Variants in ACE observed in about 807,000 individuals in gnomAD.
ACE encodes the protein angiotensin I converting enzyme.
In ACE, 122 loss-of-function variants were observed where a neutral mutation model predicts 162.3. The observed-to-expected ratio is 0.75, with a 90% CI of 0.65 to 0.87. The LOEUF is 0.87. ACE is among the 40% of genes least tolerant of loss of function. The pLI is 0.00. For synonymous variants in ACE, 796 were observed against 720.6 expected (o/e 1.10, Z -1.68); for missense variants, 1,799 against 1,735.1 (o/e 1.04, Z -0.65).
At chr17:63,493,711 G>A in intron 20 of ACE, 52 bp downstream of exon 20, 1 of 1,595,416 alleles carries the variant, frequency 6.3e-7, no homozygotes, top group Non-Finnish European at 8.6e-7. Flanking sequence ...AAAGGGTGGT[G>A]AGCTTGGGAG....
chr17:63,495,716 A>G (rs2030685098), intron 22 of ACE, among the ~76,000 whole-genome samples: 1 of 152,172 alleles, frequency 6.6e-6, no homozygotes, highest in Non-Finnish European at 1.5e-5. Flanking sequence ...AATGCAGACA[A>G]TTCTCCAAAC....
intron 2 of ACE, 57 bp downstream of exon 2, chr17:63,478,155 G>C: frequency 6.5e-7 from 1 of 1,544,434 alleles, no homozygotes; most frequent in Admixed American, 2.0e-5. Flanking sequence ...CCATCGTGGG[G>C]GTCGGGGGAG....
rs551040956 is a variant in ACE at position 63,479,735 on chromosome 17, G to T, written c.512-34G>T. On this transcript the variant is annotated intron_variant, in intron 3 of 24. Coordinates refer to ENST00000290866, the MANE Select transcript of ACE (RefSeq NM_000789.4). Reference sequence around the variant, plus strand: ...GGCCGTTGAAGACTTCAACGTGGAGGCCTCCTCACCGACCCTGCCTGCCTG... The same window carrying T: ...GGCCGTTGAAGACTTCAACGTGGAGTCCTCCTCACCGACCCTGCCTGCCTG... 3 of 1,611,762 alleles carry T rather than the reference G, an allele frequency of 1.9e-6. No homozygotes were observed. The Admixed American group carries it at 5.0e-5, about 27-fold the overall frequency.
chr17:63,477,311 A>C lies in ACE; in HGVS notation c.217A>C (p.Thr73Pro). 1 of 1,388,196 alleles carries C rather than the reference A, an allele frequency of 7.2e-7. No homozygotes were observed. The highest frequency in any genetic ancestry group is 9.4e-7 in the Non-Finnish European group (1 of 1,059,760). The allele number at this position is 1,388,196 out of a possible 1,614,324, so 86.0% of individuals were successfully genotyped here. A position where few individuals can be genotyped will look rare whatever the true frequency, so the allele number is the denominator to read the frequency against. ...QSVAASWAHD[T>P]NITAENARRQ... is the part of the protein sequence containing the mutation. ...CGTGGCCGCCAGCTGGGCGCACGAC[A>C]CCAACATCACCGCGGAGAATGCAAG... The change falls in exon 1 of 25, where the codon ACC becomes CCC. Residue 73 changes from threonine (T) to proline (P), a missense_variant. By Grantham distance (38) the Thr-to-Pro change is conservative. Coordinates refer to ENST00000290866, the MANE Select transcript of ACE (RefSeq NM_000789.4).
intron 2 of ACE, chr17:63,478,533 T>G: frequency 3.2e-6 from 1 of 314,784 alleles, no homozygotes; most frequent in Non-Finnish European, 6.2e-6. Context: ...TGGTGGTGCG[T>G]GCACCTACAG....
At chr17:63,494,714 G>C (rs1198996662) in intron 22 of ACE, among the ~76,000 whole-genome samples, 1 of 152,210 alleles carries the variant, frequency 6.6e-6, no homozygotes, top group Non-Finnish European at 1.5e-5. Flanking sequence ...CTAATAATTG[G>C]CTAATGGTTA....
At chr17:63,477,533 A>C in intron 1 of ACE, 190 bp downstream of exon 1, 1 of 314,508 alleles carries the variant, frequency 3.2e-6, no homozygotes, top group Non-Finnish European at 4.9e-6. Flanking sequence ...CCCAGCATGC[A>C]CGAGTTGGAT....
Position 63,488,024 on chromosome 17 carries a change from C to T in ACE, c.2306-624C>T, listed in dbSNP as rs375257697. ...CCAAGGTGAGTAGATCACTTGAGGC[C>T]GGGAGTTTGAGACCAGCCTGGCCAA... On this transcript the variant is annotated intron_variant, in intron 15 of 24. Coordinates refer to ENST00000290866, the MANE Select transcript of ACE (RefSeq NM_000789.4). 3.1e-3 allele frequency among the ~76,000 whole-genome samples: 476 copies of T among 152,142 alleles called. 6 individuals carry two copies. The highest frequency in any genetic ancestry group is 0.011 in the African/African-American group (447 of 41,528).
rs562572132 is a variant in ACE, at chr17:63,497,810, C to G, written c.*444C>G. ...TGTCTTCCCTCCAGCCCAGGCAGCC[C>G]GCCACTGTCCTGCCACCGCAGGCAG... is the stretch of plus-strand genomic sequence containing the variant. On this transcript the variant is annotated 3_prime_UTR_variant, in exon 25 of 25. Transcript: ENST00000290866. 4 of 347,610 alleles carry G rather than the reference C, an allele frequency of 1.2e-5. No homozygotes were observed. The East Asian group carries it at 2.4e-4, about 21-fold the overall frequency. 21.5% of individuals were successfully genotyped at this position (347,610 alleles called of 1,614,324 possible).
At position 63,497,136 on chromosome 17, in the gene ACE, G is replaced by C. The variant is rs2030807862; in HGVS notation, c.3692-1G>C. ...ATGCTGTCTCCTTGCTTCCCGCTCAGCTCGCTCAGAAGGGCCCCTCCCAGA... is the reference window on the plus strand; with the variant it reads ...ATGCTGTCTCCTTGCTTCCCGCTCACCTCGCTCAGAAGGGCCCCTCCCAGA... On this transcript the variant is annotated splice_acceptor_variant, in intron 24 of 24. Transcript: ENST00000290866. LOFTEE classifies it high-confidence loss of function. 1 of 1,603,036 alleles carries C rather than the reference G, an allele frequency of 6.2e-7. No individual in the cohort carries two copies. The highest frequency in any genetic ancestry group is 1.1e-5 in the South Asian group (1 of 90,502).
At chr17:63,486,787 C>T in intron 14 of ACE, 72 bp downstream of exon 14, 1 of 1,580,684 alleles carries the variant, frequency 6.3e-7, no homozygotes, top group Non-Finnish European at 8.7e-7. Flanking sequence ...CTGGCCTGGC[C>T]TTCACGCTGC....
At chr17:63,486,829 T>G in intron 14 of ACE, 114 bp downstream of exon 14, 1 of 1,500,310 alleles carries the variant, frequency 6.7e-7, no homozygotes, top group Non-Finnish European at 9.3e-7. Flanking sequence ...AGTCATGGCA[T>G]CTGCCATGCG....
intron 22 of ACE, among the ~76,000 whole-genome samples, chr17:63,495,911 G>A (rs1395980410): frequency 6.6e-6 from 1 of 152,204 alleles, no homozygotes; most frequent in Non-Finnish European, 1.5e-5. Context: ...TTTAAGCTGG[G>A]GAGAATCCTC....
In ACE at chr17:63,496,906, G is replaced by C; in HGVS notation, c.3612G>C (p.Leu1204=). Residue 1204 remains leucine (L), a synonymous_variant, in exon 24 of 25, where the codon CTG becomes CTC. Transcript: ENST00000290866. Reference sequence around the variant, plus strand: ...CCATGTTGAGCTACTTCAAGCCGCTGCTGGACTGGCTCCGCACGGAGAACG... The same window carrying C: ...CCATGTTGAGCTACTTCAAGCCGCTCCTGGACTGGCTCCGCACGGAGAACG... ...ASAMLSYFKP[L]LDWLRTENEL... is the part of the protein sequence containing the mutation. 1 of 1,613,740 alleles carries C rather than the reference G, an allele frequency of 6.2e-7. No homozygotes were observed. The highest frequency in any genetic ancestry group is 1.1e-5 in the South Asian group (1 of 91,052).
At position 63,490,793 on chromosome 17, in the gene ACE, C is replaced by T. The variant is rs531567102; in HGVS notation, c.2642-161C>T. 3.0e-4 allele frequency: 214 copies of T among 720,148 alleles called. 1 individual carries two copies. The highest frequency in any genetic ancestry group is 2.7e-3 in the Middle Eastern group (11 of 4,130). The allele number at this position is 720,148 out of a possible 1,614,324, so 44.6% of individuals were successfully genotyped here. ...GACCTACTGGGCTGGATATGCACAC[C>T]AAAGATGATGTGTGCCTCAAAGCTT... On this transcript the variant is annotated intron_variant, in intron 17 of 24. Coordinates refer to ENST00000290866, the MANE Select transcript of ACE (RefSeq NM_000789.4).
At chr17:63,495,653 G>A (rs900351913) in intron 22 of ACE, among the ~76,000 whole-genome samples, 11 of 152,202 alleles carry the variant, frequency 7.2e-5, no homozygotes, top group African/African-American at 1.9e-4. Context: ...GTTCCCAGCC[G>A]GCGCTGGCTC....
chr17:63,486,572 C>T lies in ACE; in HGVS notation c.2074C>T (p.Gln692Ter), dbSNP rs1260448350. The change falls in exon 14 of 25, where the codon CAA (glutamine) becomes TAA (stop). Residue 692 changes from glutamine (Q) to a stop codon, truncating the protein, a stop_gained. Transcript: ENST00000290866. LOFTEE classifies it high-confidence loss of function. Reference protein sequence around the residue: ...TSKILLQKNMQIANHTLKYGT... With the variant: ...TSKILLQKNM ...GTGCCCTCAGCTGCAGAAGAACATG[C>T]AAATAGCCAACCACACCCTGAAGTA... The T allele has an allele frequency of 1.9e-6, 3 of 1,614,214 alleles. No homozygotes were observed. The highest frequency in any genetic ancestry group is 1.7e-5 in the Admixed American group (1 of 60,014).
chr17:63,488,670 G>T lies in ACE; in HGVS notation c.2328G>T (p.Thr776=). Residue 776 remains threonine (T), a synonymous_variant, in exon 16 of 25, where the codon ACG becomes ACT. Coordinates refer to ENST00000290866, the MANE Select transcript of ACE (RefSeq NM_000789.4). ...CAGATCTGACGAATGTGATGGCCAC[G>T]TCCCGGAAATATGAAGACCTGTTAT... is the stretch of plus-strand genomic sequence containing the variant. ...LEPDLTNVMA[T]SRKYEDLLWA... is the part of the protein sequence containing the mutation. The T allele has an allele frequency of 1.9e-6, 3 of 1,610,470 alleles. No homozygotes were observed. Among genetic ancestry groups the T allele is most frequent in the Non-Finnish European group, 2.5e-6 (3 of 1,179,000 alleles).
intron 14 of ACE, 57 bp from the exon 15 acceptor site, chr17:63,486,928 GC>G: frequency 6.5e-7 from 1 of 1,538,548 alleles, no homozygotes; most frequent in South Asian, 1.1e-5. Context: ...GGTAGTGCAG[GC>G]CCCAGAGAGA....
Sources: allele counts gnomAD v4.1 joint callset (sites outside exome capture counted in the v4.1 genomes callset), GRCh38; gene constraint gnomAD v4.1.1; transcripts MANE v1.5; gene names NCBI Gene and HGNC (gene_info 2026-07-23, HGNC 2026-07-21).